The following RFX2 variants were observed in gnomAD, a reference collection of about 807,000 sequenced individuals.
RFX2 encodes regulatory factor X2, also known as DNA-binding protein RFX2.
Under a neutral mutation model 87.8 loss-of-function variants are expected in RFX2, and 20 were observed. That is an observed-to-expected ratio of 0.23 (90% CI 0.16 to 0.33). The LOEUF (loss-of-function observed/expected upper bound fraction) is 0.33. RFX2 is among the 10% of genes least tolerant of loss of function. The probability of loss-of-function intolerance (pLI) is 1.00; values close to 1 mark genes in which losing one functional copy is unlikely to be tolerated. For missense variants in RFX2, 767 were observed against 1,012.3 expected (o/e 0.76, Z 3.29); for synonymous variants, 397 against 431.3 (o/e 0.92, Z 0.98).
chr19:6,099,379 G>C (rs976373135), intron 1 of RFX2, among the ~76,000 whole-genome samples: 3 of 152,198 alleles, frequency 2.0e-5, no homozygotes, highest in Admixed American at 1.3e-4. Context: ...TTAATTAACA[G>C]TAGGGGTCTT....
In RFX2 at chr19:5,998,470, A is replaced by G. The variant is rs980891356; in HGVS notation, c.1860-1257T>C. Among the ~76,000 whole-genome samples the G allele has an allele frequency of 6.6e-6, 1 of 152,226 alleles. No homozygotes were observed. Among genetic ancestry groups the G allele is most frequent in the African/African-American group, 2.4e-5 (1 of 41,466 alleles). On this transcript the variant is annotated intron_variant, in intron 15 of 17. Coordinates refer to ENST00000303657, the MANE Select transcript of RFX2 (RefSeq NM_000635.4). This position sits in a 1 kb window ranked among gnomAD's most constrained non-coding sequence, Gnocchi z 4.2. ...TACTTTCATAAACTCTGTTACGTCT[A>G]ATCGGTATCGAGCGATAAAAAGAAG... is the stretch of plus-strand genomic sequence containing the variant.
intron 1 of RFX2, among the ~76,000 whole-genome samples, chr19:6,106,336 A>G (rs953459710): frequency 6.6e-6 from 1 of 152,206 alleles, no homozygotes; most frequent in Non-Finnish European, 1.5e-5. Flanking sequence ...CATGACCAGC[A>G]GAGGAGCTAA....
At chr19:6,034,756 A>T (rs2086998588) in intron 5 of RFX2, among the ~76,000 whole-genome samples, 1 of 152,170 alleles carries the variant, frequency 6.6e-6, no homozygotes, top group Non-Finnish European at 1.5e-5. Context: ...CACTGCGTGG[A>T]GGTGCCATGG....
At chr19:6,032,989 A>G (rs1160764874) in intron 5 of RFX2, among the ~76,000 whole-genome samples, 1 of 152,240 alleles carries the variant, frequency 6.6e-6, no homozygotes, top group African/African-American at 2.4e-5. Context: ...GGGTTTCGCA[A>G]TGTTGCCCAG....
chr19:6,063,245 G>C lies in RFX2; in HGVS notation c.-8-15741C>G, dbSNP rs2087465415. 1.3e-5 allele frequency among the ~76,000 whole-genome samples: 2 copies of C among 152,314 alleles called. No homozygotes were observed. Among genetic ancestry groups the C allele is most frequent in the South Asian group, 4.1e-4 (2 of 4,826 alleles). The stretch of plus-strand genomic sequence containing the variant: ...CCCCAAGGACCCTCTGATTCCAACG[G>C]AATTGGAGCCTACGCCTGCCAGACC... On this transcript the variant is annotated intron_variant, in intron 1 of 17. Coordinates refer to ENST00000303657, the MANE Select transcript of RFX2 (RefSeq NM_000635.4). The surrounding 1 kb of genome is among the most constrained non-coding windows in gnomAD (Gnocchi z 4.0).
intron 7 of RFX2, among the ~76,000 whole-genome samples, chr19:6,015,150 G>A (rs567330540): frequency 2.6e-5 from 4 of 152,234 alleles, no homozygotes; most frequent in South Asian, 2.1e-4. Flanking sequence ...CCAAGAGGCC[G>A]GGCACAGTGA....
intron 1 of RFX2, among the ~76,000 whole-genome samples, chr19:6,108,380 C>T (rs950395662): frequency 5.9e-5 from 9 of 152,090 alleles, no homozygotes; most frequent in African/African-American, 1.4e-4. Context: ...TCCAGAAGGA[C>T]GGGAGGTAAG....
intron 1 of RFX2, among the ~76,000 whole-genome samples, chr19:6,092,803 A>C (rs930754183): frequency 1.3e-5 from 2 of 152,090 alleles, no homozygotes; most frequent in South Asian, 4.1e-4. Flanking sequence ...TTCAGTGTGC[A>C]TTCTCCTGGA....
rs1384427108 is a variant in RFX2, at chr19:6,001,547, C to G, written c.1859+268G>C. Among the ~76,000 whole-genome samples, 1 of 152,204 alleles carries G rather than the reference C, an allele frequency of 6.6e-6. No homozygotes were observed. The highest frequency in any genetic ancestry group is 1.5e-5 in the Non-Finnish European group (1 of 68,032). On this transcript the variant is annotated intron_variant, in intron 15 of 17. Coordinates refer to ENST00000303657, the MANE Select transcript of RFX2 (RefSeq NM_000635.4). The surrounding 1 kb of genome is among the most constrained non-coding windows in gnomAD (Gnocchi z 5.6). ...TGGTGGGATTATAAGTATGAGCCAC[C>G]ATGCCCAGCCCTCAGTGATGATTTC...
chr19:6,022,706 C>G lies in RFX2; in HGVS notation c.597+3457G>C, dbSNP rs2086833051. Among the ~76,000 whole-genome samples the G allele has an allele frequency of 6.6e-6, 1 of 152,248 alleles. No homozygotes were observed. The highest frequency in any genetic ancestry group is 2.4e-5 in the African/African-American group (1 of 41,474). Reference sequence around the variant, plus strand: ...ATCATGCCCTTTTCCAGTTTGGACACTGCTAGGGGGCCTCCTCCTCCCTGG... The same window carrying G: ...ATCATGCCCTTTTCCAGTTTGGACAGTGCTAGGGGGCCTCCTCCTCCCTGG... On this transcript the variant is annotated intron_variant, in intron 6 of 17. Coordinates refer to ENST00000303657, the MANE Select transcript of RFX2 (RefSeq NM_000635.4). The surrounding 1 kb of genome is among the most constrained non-coding windows in gnomAD (Gnocchi z 6.2).
At chr19:6,031,337 G>T (rs576153484) in intron 5 of RFX2, among the ~76,000 whole-genome samples, 8 of 147,674 alleles carry the variant, frequency 5.4e-5, no homozygotes, top group South Asian at 4.5e-4. Context: ...CTCAAGAGTT[G>T]AAATTTAATA....
intron 3 of RFX2, among the ~76,000 whole-genome samples, 189 bp from the exon 4 acceptor site, chr19:6,042,312 C>A (rs531003786): frequency 6.6e-6 from 1 of 152,208 alleles, no homozygotes; most frequent in Non-Finnish European, 1.5e-5. Context: ...ATATTCCAAA[C>A]GGGCCCACAC....
chr19:6,110,312 G>C lies in RFX2; in HGVS notation c.-9+81C>G, dbSNP rs1599944682. 1 of 270 alleles carries C rather than the reference G, an allele frequency of 3.7e-3. No homozygotes were observed. 0.0% of individuals were successfully genotyped at this position (270 alleles called of 1,614,324 possible). On this transcript the variant is annotated intron_variant, in intron 1 of 17. Coordinates refer to ENST00000303657, the MANE Select transcript of RFX2 (RefSeq NM_000635.4). This position sits in a 1 kb window ranked among gnomAD's most constrained non-coding sequence, Gnocchi z 4.3. ...GGTGAGCGGCGGGGACGTGCTGCCC[G>C]CCCCCCGGCCCCCGAACGGGGTCCC... is the stretch of plus-strand genomic sequence containing the variant.
Position 6,008,205 on chromosome 19 carries a change from G to A in RFX2, c.1035C>T (p.Pro345=), listed in dbSNP as rs373997147. ...QQYIDVSHVF[P]EFPAPDLGSF... is the part of the protein sequence containing the mutation. ...TGCCCAGGTCGGGCGCTGGGAACTC[G>A]GGGAAGACGTGGGAGACATCTGGGG... Residue 345 remains proline, a synonymous_variant, in exon 10 of 18, where the codon CCC becomes CCT. Transcript: ENST00000303657. 100 of 1,561,200 alleles carry A rather than the reference G, an allele frequency of 6.4e-5. No homozygotes were observed. The highest frequency in any genetic ancestry group is 7.5e-5 in the Non-Finnish European group (86 of 1,150,156).
At chr19:6,091,225 C>T (rs771073378) in intron 1 of RFX2, among the ~76,000 whole-genome samples, 47 of 152,204 alleles carry the variant, frequency 3.1e-4, no homozygotes, top group East Asian at 2.7e-3. Flanking sequence ...GGTGTGGTGG[C>T]GCATGCCTGT....
chr19:6,004,140 G>C lies in RFX2; in HGVS notation c.1500+61C>G, dbSNP rs1017789372. 38 of 1,258,740 alleles carry C rather than the reference G, an allele frequency of 3.0e-5. No homozygotes were observed. The East Asian group carries it at 3.5e-4, about 12-fold the overall frequency. 78.0% of individuals were successfully genotyped at this position (1,258,740 alleles called of 1,614,324 possible). ...TCTGGGACACAGTGGTCCTCATGCT[G>C]TCCTGGACTGGAGCCCCTCCCAGCC... On this transcript the variant is annotated intron_variant, in intron 13 of 17. Coordinates refer to ENST00000303657, the MANE Select transcript of RFX2 (RefSeq NM_000635.4). The surrounding 1 kb of genome is among the most constrained non-coding windows in gnomAD (Gnocchi z 4.8).
In RFX2 at chr19:6,074,027, C is replaced by T. The variant is rs1293033506; in HGVS notation, c.-8-26523G>A. On this transcript the variant is annotated intron_variant, in intron 1 of 17. Coordinates refer to ENST00000303657, the MANE Select transcript of RFX2 (RefSeq NM_000635.4). The surrounding 1 kb of genome is among the most constrained non-coding windows in gnomAD (Gnocchi z 5.2). The stretch of plus-strand genomic sequence containing the variant: ...ACTTCTAGGCAGCCCCCAGACAGGC[C>T]GGCCCTGGGTAGCAGGAACTCGTTC... 2.0e-5 allele frequency among the ~76,000 whole-genome samples: 3 copies of T among 152,210 alleles called. No individual in the cohort carries two copies. The highest frequency in any genetic ancestry group is 6.5e-5 in the Admixed American group (1 of 15,292).
At chr19:5,994,991 G>A in intron 17 of RFX2, 41 bp from the exon 18 acceptor site, 1 of 1,459,924 alleles carries the variant, frequency 6.8e-7, no homozygotes. Flanking sequence ...TCATCAGGAG[G>A]GCACGAGAGG....
At chr19:6,000,001 T>C (rs537426607) in intron 15 of RFX2, among the ~76,000 whole-genome samples, 173 of 151,684 alleles carry the variant, frequency 1.1e-3, no homozygotes, top group African/African-American at 4.0e-3. Context: ...TTTTTTTTCT[T>C]GAGATGGAGT....
Sources: allele counts gnomAD v4.1 joint callset (sites outside exome capture counted in the v4.1 genomes callset), GRCh38; gene constraint gnomAD v4.1.1; non-coding constraint Gnocchi (gnomAD v3.1); transcripts MANE v1.5; gene names NCBI Gene and HGNC (gene_info 2026-07-23, HGNC 2026-07-21).